Variants in VPS33A observed in about 807,000 individuals in gnomAD.
VPS33A encodes VPS33A core subunit of CORVET and HOPS complexes.
A neutral mutation model predicts 71.8 loss-of-function variants in VPS33A; 32 were observed. That is an observed-to-expected ratio of 0.45 (90% CI 0.34 to 0.60). The LOEUF is 0.60. VPS33A is among the 20% of genes least tolerant of loss of function. The pLI, the probability that VPS33A is intolerant of heterozygous loss-of-function variation, is 0.02. For synonymous variants in VPS33A, 311 were observed against 292.7 expected (o/e 1.06, Z -0.64); for missense variants, 625 against 748.5 (o/e 0.84, Z 1.92).
At chr12:122,244,929 A>G (rs1183516335) in intron 6 of VPS33A, among the ~76,000 whole-genome samples, 167 bp from the exon 7 acceptor site, 2 of 152,174 alleles carry the variant, frequency 1.3e-5, no homozygotes, top group African/African-American at 4.8e-5. Flanking sequence ...GGAAGTAGTG[A>G]CTCTAATACT....
intron 9 of VPS33A, 90 bp downstream of exon 9, chr12:122,239,788 A>G: frequency 3.3e-6 from 2 of 609,764 alleles, no homozygotes; most frequent in Non-Finnish European, 5.8e-6. Context: ...AAGGCAAGGC[A>G]TGGGAATCAA....
Position 122,239,869 on chromosome 12 carries a change from T to A in VPS33A, c.1164+9A>T. On this transcript the variant is annotated intron_variant, in intron 9 of 12. Coordinates refer to ENST00000267199, the MANE Select transcript of VPS33A (RefSeq NM_022916.6). ...ATTACTTGTTAAAGAGGTTTTTTTGTCCACATACCTTATCAGTGTCTATTC... is the reference window on the plus strand; with the variant it reads ...ATTACTTGTTAAAGAGGTTTTTTTGACCACATACCTTATCAGTGTCTATTC... 1.2e-6 allele frequency: 2 copies of A among 1,606,084 alleles called. No individual in the cohort carries two copies. Among genetic ancestry groups the A allele is most frequent in the African/African-American group, 2.7e-5 (2 of 74,484 alleles).
intron 9 of VPS33A, among the ~76,000 whole-genome samples, chr12:122,239,394 C>G (rs1027386329): frequency 6.6e-6 from 1 of 151,878 alleles, no homozygotes; most frequent in African/African-American, 2.4e-5. Flanking sequence ...TGTTAAATAT[C>G]TGTTACTTGA....
intron 4 of VPS33A, among the ~76,000 whole-genome samples, chr12:122,253,747 G>A (rs966022163): frequency 1.3e-5 from 2 of 151,830 alleles, no homozygotes; most frequent in South Asian, 2.1e-4. Context: ...ACCCAGGCTG[G>A]AGTGCAGTCG....
chr12:122,239,986 G>A (rs2136127850), intron 8 of VPS33A, 41 bp from the exon 9 acceptor site: 1 of 1,443,048 alleles, frequency 6.9e-7, no homozygotes, highest in East Asian at 2.3e-5. Context: ...GAAATTAAAT[G>A]TTAATTTACT....
intron 1 of VPS33A, among the ~76,000 whole-genome samples, chr12:122,265,981 C>G (rs1295602406): frequency 6.6e-6 from 1 of 152,266 alleles, no homozygotes; most frequent in Non-Finnish European, 1.5e-5. Flanking sequence ...CATCCACATT[C>G]TTGGACCGCT....
intron 4 of VPS33A, among the ~76,000 whole-genome samples, chr12:122,251,525 A>C (rs1389393240): frequency 6.6e-6 from 1 of 152,238 alleles, no homozygotes; most frequent in Non-Finnish European, 1.5e-5. Flanking sequence ...CACAGGACGA[A>C]TACTTTATTG....
At chr12:122,241,700 C>T (rs1331991251) in intron 8 of VPS33A, among the ~76,000 whole-genome samples, 1 of 151,206 alleles carries the variant, frequency 6.6e-6, no homozygotes, top group African/African-American at 2.4e-5. Flanking sequence ...TCATGTGATT[C>T]TCATGCCTCA....
At chr12:122,249,135 C>T (rs1954811780) in intron 6 of VPS33A, 1 of 152,164 alleles carries the variant, frequency 6.6e-6, no homozygotes, top group African/African-American at 2.4e-5. Flanking sequence ...AATACACATA[C>T]ATATGCAGAC....
chr12:122,241,082 C>G (rs1593198861), intron 8 of VPS33A: 1 of 138,386 alleles, frequency 7.2e-6, no homozygotes, highest in Non-Finnish European at 1.5e-5. Flanking sequence ...TGCGGTGAGC[C>G]AAGATTGTGC....
intron 10 of VPS33A, among the ~76,000 whole-genome samples, chr12:122,237,352 C>T (rs914321377): frequency 6.6e-6 from 1 of 152,096 alleles, no homozygotes; most frequent in Non-Finnish European, 1.5e-5. Flanking sequence ...ACTTACCAGC[C>T]AGGTAACCTT....
At chr12:122,233,027 T>A in intron 11 of VPS33A, 59 bp from the exon 12 acceptor site, 1 of 1,453,702 alleles carries the variant, frequency 6.9e-7, no homozygotes. Context: ...GCTACCTGAC[T>A]GTGGCCTTTT....
chr12:122,257,971 A>G (rs896268094), intron 4 of VPS33A, among the ~76,000 whole-genome samples: 15 of 152,186 alleles, frequency 9.9e-5, no homozygotes, highest in Non-Finnish European at 2.2e-4. Context: ...AGGAAAATAC[A>G]GTCTTTTCAA....
At chr12:122,259,183 A>ATGTGTGTGTGTATGTATGTG (rs763092081) in intron 4 of VPS33A, among the ~76,000 whole-genome samples, 2 of 102,934 alleles carry the variant, frequency 1.9e-5, no homozygotes, top group African/African-American at 6.3e-5. Flanking sequence ...GTGTGTATGT[A>ATGTGTGTGTGTATGTATGTG]TGTGTGTATG....
chr12:122,237,709 A>G (rs1203540897), intron 10 of VPS33A, among the ~76,000 whole-genome samples: 1 of 63,786 alleles, frequency 1.6e-5, no homozygotes, highest in Non-Finnish European at 2.6e-5. Context: ...GCGCCCGGCT[A>G]ATTTTTTGTA....
At position 122,229,623 on chromosome 12, in the gene VPS33A, A is replaced by C. The variant is rs1417039952; in HGVS notation, c.*2623T>G. 6.6e-6 allele frequency: 1 copy of C among 152,184 alleles called. No homozygotes were observed. The highest frequency in any genetic ancestry group is 1.5e-5 in the Non-Finnish European group (1 of 68,028). The allele number at this position is 152,184 out of a possible 1,614,324, so 9.4% of individuals were successfully genotyped here. Reference sequence around the variant, plus strand: ...GGTGTAGAACTGTCTACCCAACTAGACAAAAGTCCAGACATGATGTAAACA... The same window carrying C: ...GGTGTAGAACTGTCTACCCAACTAGCCAAAAGTCCAGACATGATGTAAACA... On this transcript the variant is annotated 3_prime_UTR_variant, in exon 13 of 13. Transcript: ENST00000267199.
At chr12:122,242,962 G>T (rs1015552502) in intron 7 of VPS33A, among the ~76,000 whole-genome samples, 2 of 152,120 alleles carry the variant, frequency 1.3e-5, no homozygotes, top group African/African-American at 4.8e-5. Context: ...TAAAAAAAGA[G>T]AAAAGAAAAG....
At chr12:122,244,510 A>C in intron 7 of VPS33A, 59 bp downstream of exon 7, 1 of 1,462,064 alleles carries the variant, frequency 6.8e-7, no homozygotes. Flanking sequence ...TATTCCCCTC[A>C]GGGGTGGGCA....
intron 4 of VPS33A, among the ~76,000 whole-genome samples, chr12:122,256,666 A>G (rs1954923429): frequency 6.6e-6 from 1 of 152,124 alleles, no homozygotes; most frequent in Admixed American, 6.5e-5. Context: ...TCAAAGAAAC[A>G]TGGGTAAGTG....
Sources: allele counts gnomAD v4.1 joint callset (sites outside exome capture counted in the v4.1 genomes callset), GRCh38; gene constraint gnomAD v4.1.1; transcripts MANE v1.5; gene names NCBI Gene and HGNC (gene_info 2026-07-23, HGNC 2026-07-21).